Variants in STT3B observed in about 807,000 individuals in gnomAD.
STT3B encodes dolichyl-diphosphooligosaccharide--protein glycosyltransferase subunit STT3B.
STT3B carries 29 observed loss-of-function variants against 96.8 expected under a neutral mutation model. The ratio of observed to expected loss-of-function variants is 0.30; its 90% CI spans 0.22 to 0.41. STT3B has a LOEUF of 0.41. Among genes scored for constraint, STT3B ranks in the 10% least tolerant of loss-of-function variants. STT3B has a pLI of 1.00. For synonymous variants in STT3B, 367 were observed against 360.0 expected (o/e 1.02, Z -0.22); for missense variants, 640 against 1,022.3 (o/e 0.63, Z 5.10).
At position 31,596,789 on chromosome 3, in the gene STT3B, G is replaced by GT. The variant is rs773386674; in HGVS notation, c.712-3dup. The GT allele has an allele frequency of 8.7e-5, 140 of 1,602,210 alleles. 3 individuals carry two copies. In the South Asian group the frequency reaches 1.5e-3, roughly 17 times the overall value. Reference sequence around the variant, plus strand: ...CATTTTTATTATATCAGTTGCTTTTGTTTTTTAGGTAAAATCTGTAAAAAC... The same window carrying GT: ...CATTTTTATTATATCAGTTGCTTTTGTTTTTTTAGGTAAAATCTGTAAAAAC... On this transcript the variant is annotated splice_polypyrimidine_tract_variant and intron_variant, in intron 3 of 15. Coordinates refer to ENST00000295770, the MANE Select transcript of STT3B (RefSeq NM_178862.3).
chr3:31,626,265 T>C, intron 13 of STT3B, 138 bp downstream of exon 13: 1 of 765,682 alleles, frequency 1.3e-6, no homozygotes. Context: ...TTACTATTTA[T>C]TAAAGATAGT....
intron 1 of STT3B, among the ~76,000 whole-genome samples, chr3:31,537,744 C>T (rs780797493): frequency 2.0e-5 from 3 of 152,130 alleles, no homozygotes; most frequent in Non-Finnish European, 4.4e-5. Flanking sequence ...GGATTTACAT[C>T]ATAATCTCTG....
At chr3:31,632,783 C>A in intron 14 of STT3B, 152 bp from the exon 15 acceptor site, 1 of 619,632 alleles carries the variant, frequency 1.6e-6, no homozygotes, top group Non-Finnish European at 2.7e-6. Flanking sequence ...GTCTAGTTAG[C>A]AATACATGAG....
chr3:31,579,856 A>G lies in STT3B; in HGVS notation c.471A>G (p.Leu157=), dbSNP rs1298956272. 6.2e-7 allele frequency: 1 copy of G among 1,613,790 alleles called. No homozygotes were observed. ...MITAGLIHWI[L]NTLNITVHIR... ...CCGCTGGCCTTATTCATTGGATTTT[A>G]AATACATTGAACATAACTGTTCACA... Residue 157 remains leucine, a synonymous_variant, in exon 3 of 16, where the codon TTA becomes TTG. Transcript: ENST00000295770.
intron 1 of STT3B, among the ~76,000 whole-genome samples, chr3:31,553,169 G>A (rs1697613227): frequency 6.6e-6 from 1 of 151,580 alleles, no homozygotes; most frequent in African/African-American, 2.4e-5. Flanking sequence ...CATTGCTGAT[G>A]GGAGTGTAAA....
At chr3:31,548,236 A>C (rs979440575) in intron 1 of STT3B, among the ~76,000 whole-genome samples, 2 of 152,184 alleles carry the variant, frequency 1.3e-5, no homozygotes, top group African/African-American at 4.8e-5. Context: ...ATGCTGATAT[A>C]ATGTTACTGT....
At chr3:31,561,170 T>C (rs1390126159) in intron 1 of STT3B, among the ~76,000 whole-genome samples, 1 of 152,080 alleles carries the variant, frequency 6.6e-6, no homozygotes, top group Non-Finnish European at 1.5e-5. Context: ...GATTTCTTTA[T>C]ATTGTTTTTC....
At chr3:31,625,879 A>T in intron 12 of STT3B, 75 bp from the exon 13 acceptor site, 1 of 1,322,270 alleles carries the variant, frequency 7.6e-7, no homozygotes, top group South Asian at 1.5e-5. Context: ...TCCATGTTGT[A>T]GTAAAAAATA....
chr3:31,632,400 A>C (rs866386609), intron 14 of STT3B, among the ~76,000 whole-genome samples: 14 of 152,230 alleles, frequency 9.2e-5, no homozygotes, highest in African/African-American at 3.1e-4. Flanking sequence ...CGTTAAGTAA[A>C]GATGTTAATA....
intron 5 of STT3B, among the ~76,000 whole-genome samples, chr3:31,608,602 G>A (rs956126116): frequency 6.6e-6 from 1 of 152,118 alleles, no homozygotes; most frequent in Non-Finnish European, 1.5e-5. Flanking sequence ...TGATCAAAAA[G>A]GCTTTCAGTG....
At chr3:31,627,263 A>G (rs1699557775) in intron 13 of STT3B, among the ~76,000 whole-genome samples, 1 of 152,174 alleles carries the variant, frequency 6.6e-6, no homozygotes, top group Non-Finnish European at 1.5e-5. Context: ...AGATTTTCAT[A>G]GGAGTACAAA....
At chr3:31,594,512 C>T (rs1400487168) in intron 3 of STT3B, among the ~76,000 whole-genome samples, 1 of 151,996 alleles carries the variant, frequency 6.6e-6, no homozygotes, top group Non-Finnish European at 1.5e-5. Context: ...TCACTGCAAC[C>T]TCCACCTCCC....
chr3:31,629,531 T>C (rs1699607919), intron 14 of STT3B, 120 bp downstream of exon 14: 2 of 518,356 alleles, frequency 3.9e-6, no homozygotes, highest in African/African-American at 4.0e-5. Flanking sequence ...TGTGCTTATC[T>C]AAATAGTCTT....
rs140120312 is a variant in STT3B at position 31,631,078 on chromosome 3, C to T, written c.2187+1667C>T. Among the ~76,000 whole-genome samples the T allele has an allele frequency of 7.1e-3, 1,083 of 152,306 alleles. 17 individuals are homozygous for T. The highest frequency in any genetic ancestry group is 0.024 in the African/African-American group (1,007 of 41,556). On this transcript the variant is annotated intron_variant, in intron 14 of 15. Transcript: ENST00000295770. ...AAAGTGCTGGGATTACAGGCATGAG[C>T]CACCGCGCCCAGCCCCAAGTTTTAT...
chr3:31,636,236 GAAC>G lies in STT3B; in HGVS notation c.*174_*176del, dbSNP rs752895722. The G allele has an allele frequency of 3.6e-5, 17 of 467,346 alleles. No individual in the cohort carries two copies. The highest frequency in any genetic ancestry group is 5.4e-5 in the Non-Finnish European group (14 of 258,916). 28.9% of individuals were successfully genotyped at this position (467,346 alleles called of 1,614,324 possible). Reference sequence around the variant, plus strand: ...TAAAAAAATAAAATTGGCTTGTTGAGAACAGCTGTTTTCGATTTCTAATGTGAA... The same window carrying G: ...TAAAAAAATAAAATTGGCTTGTTGAGAGCTGTTTTCGATTTCTAATGTGAA... On this transcript the variant is annotated 3_prime_UTR_variant, in exon 16 of 16. Transcript: ENST00000295770.
intron 5 of STT3B, among the ~76,000 whole-genome samples, chr3:31,608,978 GGTGGC>G (rs1384915533): frequency 6.6e-6 from 1 of 152,126 alleles, no homozygotes; most frequent in East Asian, 1.9e-4. Flanking sequence ...AGCTGGGCTT[GGTGGC>G]ATGCACCTGT....
In STT3B at chr3:31,619,656, A is replaced by G. The variant is rs368178182; in HGVS notation, c.1173-20A>G. 15 of 1,595,530 alleles carry G rather than the reference A, an allele frequency of 9.4e-6. No homozygotes were observed. In the African/African-American group the frequency reaches 1.4e-4, roughly 14 times the overall value. ...GTTTTATCACTTAATTGTAAACAAT[A>G]TTAACTTTTTTAATACCAGGTATGC... On this transcript the variant is annotated intron_variant, in intron 8 of 15. Transcript: ENST00000295770.
intron 2 of STT3B, among the ~76,000 whole-genome samples, chr3:31,579,477 T>TAAAAAAAAAAAAAAAA (rs1173591549): frequency 1.5e-5 from 1 of 67,446 alleles, no homozygotes; most frequent in African/African-American, 5.6e-5. Context: ...CCTGTTTTGA[T>TAAAAAAAAAAAAAAAA]AAAAAAAAAA....
intron 8 of STT3B, among the ~76,000 whole-genome samples, chr3:31,618,194 G>A (rs992276494): frequency 2.4e-4 from 37 of 151,970 alleles, no homozygotes; most frequent in African/African-American, 8.0e-4. Context: ...TGTACGTTGT[G>A]TATTACTGTT....
Sources: allele counts gnomAD v4.1 joint callset (sites outside exome capture counted in the v4.1 genomes callset), GRCh38; gene constraint gnomAD v4.1.1; transcripts MANE v1.5; gene names NCBI Gene and HGNC (gene_info 2026-07-23, HGNC 2026-07-21).